The following PCNT variants were observed in gnomAD, a reference collection of about 807,000 sequenced individuals.
PCNT encodes the protein pericentrin.
A neutral mutation model predicts 380.4 loss-of-function variants in PCNT; 319 were observed. The observed-to-expected ratio is 0.84, with a 90% CI of 0.77 to 0.92. The LOEUF is 0.92. Among genes scored for constraint, PCNT ranks in the 40% least tolerant of loss-of-function variants. The pLI is 0.00. For synonymous variants in PCNT, 1,845 were observed against 1,735.2 expected (o/e 1.06, Z -1.57); for missense variants, 4,400 against 4,255.3 (o/e 1.03, Z -0.95).
intron 2 of PCNT, among the ~76,000 whole-genome samples, chr21:46,331,643 G>A (rs562336278): frequency 1.3e-5 from 2 of 152,158 alleles, no homozygotes; most frequent in South Asian, 4.1e-4. Context: ...GTGCACACGT[G>A]TAGTCCCAGT....
At chr21:46,365,388 TTCACTGCCGTGGGGTTCTGA>T (rs1569204468) in intron 14 of PCNT, among the ~76,000 whole-genome samples, 43 of 113,114 alleles carry the variant, frequency 3.8e-4, no homozygotes, top group South Asian at 9.5e-4. Flanking sequence ...TGGGGTTCTG[TTCACTGCCGTGGGGTTCTGA>T]TCACTGCCGT....
rs1043173992 is a variant in PCNT at position 46,425,374 on chromosome 21, C to G, written c.7180-457C>G. On this transcript the variant is annotated intron_variant, in intron 32 of 46. Coordinates refer to ENST00000359568, the MANE Select transcript of PCNT (RefSeq NM_006031.6). This position sits in a 1 kb window ranked among gnomAD's most constrained non-coding sequence, Gnocchi z 4.2. ...CGCTGGTGGTCGGCACTGGCCTCAG[C>G]CGGACCACGCACAGAGGCCTCCTGG... Among the ~76,000 whole-genome samples the G allele has an allele frequency of 2.6e-5, 4 of 152,252 alleles. No homozygotes were observed. The highest frequency in any genetic ancestry group is 1.5e-5 in the Non-Finnish European group (1 of 68,052).
intron 3 of PCNT, among the ~76,000 whole-genome samples, chr21:46,337,676 G>A (rs754821268): frequency 5.9e-5 from 9 of 152,150 alleles, no homozygotes; most frequent in Non-Finnish European, 1.0e-4. Context: ...TCCGCTTCCC[G>A]GATTCAAGCG....
At chr21:46,436,254 T>G in intron 39 of PCNT, 106 bp downstream of exon 39, 1 of 1,313,040 alleles carries the variant, frequency 7.6e-7, no homozygotes. Flanking sequence ...CCCTGCTCCT[T>G]TGCACTTAAC....
At chr21:46,439,523 A>G (rs1241576802) in intron 41 of PCNT, among the ~76,000 whole-genome samples, 1 of 152,160 alleles carries the variant, frequency 6.6e-6, no homozygotes, top group East Asian at 1.9e-4. Context: ...AGTCATCTCT[A>G]AGATCACTTG....
rs760815486 is a variant in PCNT at position 46,441,112 on chromosome 21, G to A, written c.9623+28G>A. On this transcript the variant is annotated intron_variant, in intron 43 of 46. Transcript: ENST00000359568. ...AAATGCCATGACGTTCAGTCAGTGC[G>A]TTCCGCGTCTGTCTCCGTGAGTGGG... 5.0e-6 allele frequency: 7 copies of A among 1,399,740 alleles called. No individual in the cohort carries two copies. In the East Asian group the frequency reaches 6.8e-5, roughly 14 times the overall value. The allele number at this position is 1,399,740 out of a possible 1,614,324, so 86.7% of individuals were successfully genotyped here. A position where few individuals can be genotyped will look rare whatever the true frequency, so the allele number is the denominator to read the frequency against.
At chr21:46,328,065 T>C (rs1257424328) in intron 2 of PCNT, among the ~76,000 whole-genome samples, 1 of 152,206 alleles carries the variant, frequency 6.6e-6, no homozygotes, top group African/African-American at 2.4e-5. Context: ...GTGCAGGCTT[T>C]GATGTTTGCT....
At chr21:46,389,513 G>C in intron 19 of PCNT, 82 bp downstream of exon 19, 2 of 1,149,338 alleles carry the variant, frequency 1.7e-6, no homozygotes, top group Non-Finnish European at 2.6e-6. Flanking sequence ...GTGGATGCCG[G>C]TGCCAACGAC....
intron 4 of PCNT, 70 bp downstream of exon 4, chr21:46,346,278 C>CTGGG: frequency 9.2e-6 from 5 of 544,560 alleles, no homozygotes; most frequent in Middle Eastern, 3.3e-4. Flanking sequence ...AGTGGGCATC[C>CTGGG]GGGTGGGGGT....
At position 46,349,068 on chromosome 21, in the gene PCNT, A is replaced by C. The variant is rs1334652903; in HGVS notation, c.1089A>C (p.Lys363Asn). 1 of 1,608,180 alleles carries C rather than the reference A, an allele frequency of 6.2e-7. No individual in the cohort carries two copies. The highest frequency in any genetic ancestry group is 1.1e-5 in the South Asian group (1 of 90,948). The change falls in exon 7 of 47, where the codon AAA (lysine) becomes AAC (asparagine). Residue 363 changes from lysine to asparagine, a missense_variant. Physicochemically the swap from Lys to Asn is moderately conservative, Grantham distance 94. Transcript: ENST00000359568. ...EKDLCLENLR[K>N]ELSAKHQSEM... is the part of the protein sequence containing the mutation. ...ATTTATGTTTAGAAAATCTACGCAA[A>C]GAACTGTCTGCAAAGCATCAATCAG...
rs763607842 is a variant in PCNT, at chr21:46,428,360, C to T, written c.7495-35C>T. ...AAGGCCGGGGCATGGGGTGGCTGCC[C>T]AATGCTCAGGCTGCTTGTCCCATTG... On this transcript the variant is annotated intron_variant, in intron 34 of 46. Transcript: ENST00000359568. 3.1e-6 allele frequency: 5 copies of T among 1,596,258 alleles called. No individual in the cohort carries two copies. In the South Asian group the frequency reaches 5.6e-5, roughly 18 times the overall value.
intron 21 of PCNT, among the ~76,000 whole-genome samples, chr21:46,391,736 A>G (rs926479427): frequency 3.3e-5 from 5 of 152,250 alleles, no homozygotes; most frequent in African/African-American, 1.2e-4. Context: ...AGTGCCTGAT[A>G]TTAACCCTCA....
Position 46,413,004 on chromosome 21 carries a change from G to A in PCNT, c.6150+12G>A, listed in dbSNP as rs899525796. The A allele has an allele frequency of 6.2e-7, 1 of 1,605,260 alleles. No homozygotes were observed. The highest frequency in any genetic ancestry group is 1.1e-5 in the South Asian group (1 of 90,980). On this transcript the variant is annotated intron_variant, in intron 29 of 46. Transcript: ENST00000359568. ...AGGACGGCGGCAAGGTGTGGGGAGG[G>A]GGGAAGGCGCGAGGTCCCCCCGGGA...
chr21:46,378,018 C>T (rs1439213562), intron 15 of PCNT, among the ~76,000 whole-genome samples: 1 of 152,156 alleles, frequency 6.6e-6, no homozygotes, highest in African/African-American at 2.4e-5. Flanking sequence ...CCCAGGTTGG[C>T]GCACGTTGTA....
rs781745781 is a variant in PCNT at position 46,349,083 on chromosome 21, G to A, written c.1104G>A (p.Lys368=). Residue 368 remains lysine, a synonymous_variant, in exon 7 of 47, where the codon AAG becomes AAA. Transcript: ENST00000359568. ...LENLRKELSA[K]HQSEMEDLQN... ...ATCTACGCAAAGAACTGTCTGCAAAGCATCAATCAGAAATGGAGGATTTAC... is the reference window on the plus strand; with the variant it reads ...ATCTACGCAAAGAACTGTCTGCAAAACATCAATCAGAAATGGAGGATTTAC... The A allele has an allele frequency of 2.5e-6, 4 of 1,607,656 alleles. No homozygotes were observed. The highest frequency in any genetic ancestry group is 1.3e-5 in the African/African-American group (1 of 74,902).
At chr21:46,404,539 G>A (rs1226330296) in intron 27 of PCNT, among the ~76,000 whole-genome samples, 2 of 138,240 alleles carry the variant, frequency 1.4e-5, no homozygotes, top group Non-Finnish European at 3.3e-5. Context: ...TTCTGGCTAC[G>A]CCTGCGTCTC....
chr21:46,432,752 G>A (rs1190311165), intron 38 of PCNT, among the ~76,000 whole-genome samples: 1 of 152,014 alleles, frequency 6.6e-6, no homozygotes, highest in Non-Finnish European at 1.5e-5. Context: ...AGCCTCCCAC[G>A]TAGCTGGGAC....
At chr21:46,394,207 T>C (rs1274308056) in intron 21 of PCNT, among the ~76,000 whole-genome samples, 1 of 152,250 alleles carries the variant, frequency 6.6e-6, no homozygotes, top group Non-Finnish European at 1.5e-5. Flanking sequence ...GGCCCTGGTG[T>C]GCAGCGGCCC....
chr21:46,428,575 C>T lies in PCNT; in HGVS notation c.7675C>T (p.Gln2559Ter). The change falls in exon 35 of 47, where the codon CAG becomes TAG. Residue 2559 changes from glutamine (Q) to a stop codon, truncating the protein, a stop_gained. Coordinates refer to ENST00000359568, the MANE Select transcript of PCNT (RefSeq NM_006031.6). LOFTEE classifies it high-confidence loss of function. ...AEARGSQQEH[Q>*]LRRQVELLAY... ...GGCGCGCGGGAGCCAGCAGGAGCAC[C>T]AGCTGCGCAGGCAGGGTGGGTGTCA... The T allele has an allele frequency of 6.2e-7, 1 of 1,600,586 alleles. No individual in the cohort carries two copies. The highest frequency in any genetic ancestry group is 8.5e-7 in the Non-Finnish European group (1 of 1,178,416).
Sources: allele counts gnomAD v4.1 joint callset (sites outside exome capture counted in the v4.1 genomes callset), GRCh38; gene constraint gnomAD v4.1.1; non-coding constraint Gnocchi (gnomAD v3.1); transcripts MANE v1.5; gene names NCBI Gene and HGNC (gene_info 2026-07-23, HGNC 2026-07-21).